Variants in ACACB observed in about 807,000 individuals in gnomAD.
The protein encoded by ACACB is acetyl-CoA carboxylase 2.
A neutral mutation model predicts 278.8 loss-of-function variants in ACACB; 209 were observed. That is an observed-to-expected ratio of 0.75 (90% confidence interval 0.67 to 0.84). The LOEUF is 0.84. ACACB is among the 40% of genes least tolerant of loss of function. ACACB has a pLI of 0.00. For missense variants in ACACB, 2,850 were observed against 3,269.0 expected, an observed-to-expected ratio of 0.87 and a Z score of 3.13; for synonymous variants, 1,174 against 1,285.6, an observed-to-expected ratio of 0.91 and a Z score of 1.86.
chr12:109,207,681 AC>A (rs1351379939), intron 20 of ACACB, among the ~76,000 whole-genome samples: 1 of 151,882 alleles, frequency 6.6e-6, no homozygotes, highest in African/African-American at 2.4e-5. Context: ...ACCATGTGTC[AC>A]CCCCCTTTGT....
rs1224861122 is a variant in ACACB at position 109,260,655 on chromosome 12, C to G, written c.6672C>G (p.Ser2224Arg). The G allele has an allele frequency of 6.4e-7, 1 of 1,565,258 alleles. No homozygotes were observed. The highest frequency in any genetic ancestry group is 1.9e-5 in the Admixed American group (1 of 52,636). Residue 2224 changes from serine (S) to arginine (R), a missense_variant and splice_region_variant, in exon 48 of 53, where the codon AGC (serine) becomes AGG (arginine). Around this residue, in one of 3 missense-constraint regions of ACACB, gnomAD observed 579 missense variants for 684.6 expected, o/e 0.85. Coordinates refer to ENST00000338432, the MANE Select transcript of ACACB (RefSeq NM_001093.4). ...LCIEMYADKESRGGVLEPEGT... is the reference protein window; with the variant it reads ...LCIEMYADKERRGGVLEPEGT... ...TAGAAATGTATGCAGACAAAGAGAG[C>G]AGGTGGGTGTGTTGCCCTTAGCCTG... is the stretch of plus-strand genomic sequence containing the variant.
chr12:109,220,463 A>G (rs915054374), intron 24 of ACACB, among the ~76,000 whole-genome samples: 1 of 152,232 alleles, frequency 6.6e-6, no homozygotes, highest in African/African-American at 2.4e-5. Context: ...CGAAGCAAAC[A>G]AAACATGATT....
chr12:109,251,839 C>G (rs571390765), intron 41 of ACACB, among the ~76,000 whole-genome samples: 1 of 152,256 alleles, frequency 6.6e-6, no homozygotes, highest in Non-Finnish European at 1.5e-5. Flanking sequence ...CTTTGTTAAC[C>G]ATGTTATTTC....
chr12:109,142,343 C>T (rs2043142773), intron 2 of ACACB, among the ~76,000 whole-genome samples: 2 of 152,024 alleles, frequency 1.3e-5, no homozygotes, highest in Non-Finnish European at 2.9e-5. Flanking sequence ...CCAAAATAGT[C>T]GTGAAGATTA....
chr12:109,246,294 A>AGGAC lies in ACACB; in HGVS notation c.5418_5421dup (p.Leu1808GlyfsTer54), dbSNP rs1359331764. On this transcript the variant is annotated frameshift_variant, in exon 39 of 53. Coordinates refer to ENST00000338432, the MANE Select transcript of ACACB (RefSeq NM_001093.4). LOFTEE classifies it high-confidence loss of function. The stretch of plus-strand genomic sequence containing the variant: ...CGCATTGGATCCTTTGGCCCTGGAG[A>AGGAC]GGACCTTCTGTACCTGCGGGCATCC... 24 of 1,612,590 alleles carry AGGAC rather than the reference A, an allele frequency of 1.5e-5. No individual in the cohort carries two copies. Among genetic ancestry groups the AGGAC allele is most frequent in the Non-Finnish European group, 1.9e-5 (23 of 1,179,784 alleles).
At chr12:109,264,460 CG>C in intron 50 of ACACB, 74 bp downstream of exon 50, 1 of 733,496 alleles carries the variant, frequency 1.4e-6, no homozygotes, top group Non-Finnish European at 2.3e-6. Flanking sequence ...CATTTGGGCT[CG>C]GGGGCGGGGA....
At chr12:109,225,915 G>A (rs572073250) in intron 27 of ACACB, among the ~76,000 whole-genome samples, 1 of 152,278 alleles carries the variant, frequency 6.6e-6, no homozygotes, top group East Asian at 1.9e-4. Flanking sequence ...TATGTGGGGT[G>A]AAATAAAATA....
intron 2 of ACACB, among the ~76,000 whole-genome samples, chr12:109,153,924 C>G (rs1239045976): frequency 6.6e-6 from 1 of 152,166 alleles, no homozygotes; most frequent in East Asian, 1.9e-4. Context: ...TCCCAAAGTG[C>G]TGGTATTACA....
chr12:109,139,731 C>A lies in ACACB; in HGVS notation c.326C>A (p.Ala109Glu). The A allele has an allele frequency of 3.7e-6, 6 of 1,614,178 alleles. No homozygotes were observed. The highest frequency in any genetic ancestry group is 5.1e-6 in the Non-Finnish European group (6 of 1,180,034). The change falls in exon 2 of 53, where the codon GCA becomes GAA. Residue 109 changes from alanine (A) to glutamate (E), a missense_variant. By Grantham distance (107) the Ala-to-Glu change is moderately radical. Transcript: ENST00000338432. Reference protein sequence around the residue: ...PPRNPLSSSDAAPSPELQANG... With the variant: ...PPRNPLSSSDEAPSPELQANG... ...AGAAACCCCCTTTCTTCCAGTGACG[C>A]AGCACCCTCCCCAGAGCTTCAAGCC...
At chr12:109,263,329 A>C (rs1453926720) in intron 49 of ACACB, 4 of 152,070 alleles carry the variant, frequency 2.6e-5, no homozygotes, top group Non-Finnish European at 4.4e-5. Context: ...GGTGTGTGCC[A>C]CCACACCTGG....
chr12:109,242,549 TG>T lies in ACACB; in HGVS notation c.5138del (p.Gly1713GlufsTer31). On this transcript the variant is annotated frameshift_variant, in exon 37 of 53. Transcript: ENST00000338432. LOFTEE classifies it high-confidence loss of function. Reference protein sequence around the residue: ...LQAKRFQAQTLGTTYIYDFPE... With the variant: ...LQAKRFQAQTXGTTYIYDFPE... ...GCCAAGCGATTCCAGGCCCAGACCC[TG>T]GGAACCACCTACATCTATGACTTCC... 2 of 1,614,176 alleles carry T rather than the reference TG, an allele frequency of 1.2e-6. No individual in the cohort carries two copies. The highest frequency in any genetic ancestry group is 1.7e-6 in the Non-Finnish European group (2 of 1,180,010).
chr12:109,192,018 C>G lies in ACACB; in HGVS notation c.2399+68C>G, dbSNP rs528554845. On this transcript the variant is annotated intron_variant, in intron 15 of 52. Coordinates refer to ENST00000338432, the MANE Select transcript of ACACB (RefSeq NM_001093.4). ...TAGCGGCTTAGGAGGCTGAATCTGTCTCCTTTATTTGTGTGGCCAGTTAGT... is the reference window on the plus strand; with the variant it reads ...TAGCGGCTTAGGAGGCTGAATCTGTGTCCTTTATTTGTGTGGCCAGTTAGT... 1.4e-4 allele frequency: 212 copies of G among 1,520,930 alleles called. 1 individual carries two copies. Among genetic ancestry groups the G allele is most frequent in the Non-Finnish European group, 6.4e-5 (70 of 1,102,314 alleles). The allele number at this position is 1,520,930 out of a possible 1,614,324, so 94.2% of individuals were successfully genotyped here. A position where few individuals can be genotyped will look rare whatever the true frequency, so the allele number is the denominator to read the frequency against.
In ACACB at chr12:109,241,397, A is replaced by G; in HGVS notation, c.5022+116A>G. 4.6e-6 allele frequency: 5 copies of G among 1,080,888 alleles called. 1 individual carries two copies. In the South Asian group the frequency reaches 7.0e-5, roughly 15 times the overall value. The allele number at this position is 1,080,888 out of a possible 1,614,324, so 67.0% of individuals were successfully genotyped here. On this transcript the variant is annotated intron_variant, in intron 36 of 52. Coordinates refer to ENST00000338432, the MANE Select transcript of ACACB (RefSeq NM_001093.4). ...CGGTCTTGCCTTGCTCTCCCATGTCATTCTGGGTTGGGGTAGCCCCCTCTG... is the reference window on the plus strand; with the variant it reads ...CGGTCTTGCCTTGCTCTCCCATGTCGTTCTGGGTTGGGGTAGCCCCCTCTG...
rs1167763726 is a variant in ACACB, at chr12:109,167,617, A to ATGTG, written c.787-277_787-274dup. On this transcript the variant is annotated intron_variant, in intron 3 of 52. Transcript: ENST00000338432. ...CTGTCTCAAAAAAAAAAATATATGT[A>ATGTG]TGTGTATATATATATATATATATAT... 6.7e-5 allele frequency among the ~76,000 whole-genome samples: 7 copies of ATGTG among 103,896 alleles called. No homozygotes were observed. The South Asian group carries it at 9.7e-4, about 14-fold the overall frequency. 68.2% of individuals were successfully genotyped at this position (103,896 alleles called of 152,430 possible).
In ACACB at chr12:109,265,101, C is replaced by T. The variant is rs753047598; in HGVS notation, c.6943-9C>T. ...CCTTTCCGGGGATTCAAGCCTGGCT[C>T]GTCCACAGGACATCCTGGAGTGGAA... On this transcript the variant is annotated splice_polypyrimidine_tract_variant and intron_variant, in intron 50 of 52. Coordinates refer to ENST00000338432, the MANE Select transcript of ACACB (RefSeq NM_001093.4). The T allele has an allele frequency of 5.0e-6, 8 of 1,599,304 alleles. No homozygotes were observed. Among genetic ancestry groups the T allele is most frequent in the East Asian group, 2.2e-5 (1 of 44,788 alleles).
intron 27 of ACACB, among the ~76,000 whole-genome samples, chr12:109,226,699 C>CAAAAAAAAAA (rs531983826): frequency 1.3e-5 from 1 of 74,204 alleles, no homozygotes; most frequent in African/African-American, 4.7e-5. Context: ...AACTCCATCT[C>CAAAAAAAAAA]AAAAAAAAAA....
intron 2 of ACACB, among the ~76,000 whole-genome samples, chr12:109,164,822 A>G (rs1315776705): frequency 4.6e-5 from 7 of 150,646 alleles, no homozygotes; most frequent in Non-Finnish European, 7.4e-5. Flanking sequence ...GGTTCAAGCA[A>G]TTCTCCCTCC....
intron 19 of ACACB, among the ~76,000 whole-genome samples, chr12:109,206,054 G>C (rs2045496984): frequency 6.6e-6 from 1 of 152,150 alleles, no homozygotes; most frequent in South Asian, 2.1e-4. Flanking sequence ...TCATCCTACT[G>C]TGAGGTGTTT....
At chr12:109,234,716 C>G (rs976706087) in intron 31 of ACACB, among the ~76,000 whole-genome samples, 3 of 151,660 alleles carry the variant, frequency 2.0e-5, no homozygotes, top group Non-Finnish European at 4.4e-5. Context: ...AACCAAACAC[C>G]GCATGTGCTC....
Sources: gnomAD v4.1 joint callset for allele counts (sites outside exome capture counted in the v4.1 genomes callset) on GRCh38, gnomAD v4.1.1 for gene constraint, gnomAD v4.1.1 regional missense constraint, MANE v1.5 for transcripts, NCBI Gene and HGNC (gene_info 2026-07-23, HGNC 2026-07-21) for gene names.